The following RB1 variants were observed in gnomAD, a reference collection of about 807,000 sequenced individuals.
The protein encoded by RB1 is RB transcriptional corepressor 1, also known as retinoblastoma-associated protein.
RB1 carries 18 observed loss-of-function variants against 135.4 expected under a neutral mutation model. That is an observed-to-expected ratio of 0.13 (90% CI 0.09 to 0.20). The LOEUF is 0.20. RB1 is among the 10% of genes least tolerant of loss of function. RB1 has a pLI of 1.00. For synonymous variants in RB1, 365 were observed against 373.2 expected, an observed-to-expected ratio of 0.98 and a Z score of 0.25; for missense variants, 868 against 1,110.0, an observed-to-expected ratio of 0.78 and a Z score of 3.10.
At chr13:48,328,600 C>A in intron 2 of RB1, 1 of 626,304 alleles carries the variant, frequency 1.6e-6, no homozygotes, top group South Asian at 1.8e-5. Flanking sequence ...TTTCAGAAAT[C>A]TTTCTAATAC....
intron 17 of RB1, 99 bp downstream of exon 17, chr13:48,381,542 T>G: frequency 9.4e-7 from 1 of 1,063,258 alleles, no homozygotes; most frequent in Non-Finnish European, 1.4e-6. Context: ...CAAGAACATA[T>G]AGGGAATTTA....
chr13:48,364,732 G>C (rs1489243757), intron 8 of RB1, among the ~76,000 whole-genome samples, 162 bp from the exon 9 acceptor site: 1 of 152,034 alleles, frequency 6.6e-6, no homozygotes, highest in Non-Finnish European at 1.5e-5. Flanking sequence ...AATATAGAGA[G>C]ACCCCTTCTC....
In RB1 at chr13:48,368,589, C is replaced by A; in HGVS notation, c.1112C>A (p.Pro371Gln). ...GATGAAGAGGTGAATGTAATTCCTCCACACACTCCAGTTAGGTATGAATTT... is the reference window on the plus strand; with the variant it reads ...GATGAAGAGGTGAATGTAATTCCTCAACACACTCCAGTTAGGTATGAATTT... The part of the protein sequence containing the change: ...NLDEEVNVIP[P>Q]HTPVRTVMNT... The change falls in exon 11 of 27, where the codon CCA becomes CAA. Residue 371 changes from proline (P) to glutamine (Q), a missense_variant. By Grantham distance (76) the Pro-to-Gln change is moderately conservative (BLOSUM62 -1). This residue lies in a region of RB1 where 641 missense variants were observed against 791.3 expected (regional missense o/e 0.81). Transcript: ENST00000267163. The A allele has an allele frequency of 6.2e-7, 1 of 1,613,310 alleles. No individual in the cohort carries two copies. The highest frequency in any genetic ancestry group is 8.5e-7 in the Non-Finnish European group (1 of 1,179,652).
chr13:48,430,543 C>T (rs1292922755), intron 17 of RB1, among the ~76,000 whole-genome samples: 1 of 152,062 alleles, frequency 6.6e-6, no homozygotes, highest in South Asian at 2.1e-4. Flanking sequence ...AGTTTGACAC[C>T]AGCCTAGCTA....
chr13:48,360,170 G>A, intron 7 of RB1, 43 bp downstream of exon 7: 2 of 1,608,194 alleles, frequency 1.2e-6, no homozygotes, highest in South Asian at 1.1e-5. Context: ...TCATTCAGCA[G>A]TTGCTTATTG....
chr13:48,418,538 A>C (rs1002495018), intron 17 of RB1, among the ~76,000 whole-genome samples: 1 of 152,196 alleles, frequency 6.6e-6, no homozygotes, highest in African/African-American at 2.4e-5. Flanking sequence ...ATATAACAAT[A>C]TTAACCTTAA....
At chr13:48,341,861 T>C (rs183655452) in intron 2 of RB1, among the ~76,000 whole-genome samples, 39 of 152,134 alleles carry the variant, frequency 2.6e-4, no homozygotes, top group Admixed American at 5.2e-4. Flanking sequence ...TTAATGAACA[T>C]TAATTTGACA....
chr13:48,472,893 A>G (rs185274998), intron 23 of RB1, among the ~76,000 whole-genome samples: 3 of 152,320 alleles, frequency 2.0e-5, no homozygotes, highest in Admixed American at 2.0e-4. Flanking sequence ...ACAGACTAAT[A>G]AAGATTTCTG....
intron 21 of RB1, among the ~76,000 whole-genome samples, chr13:48,464,624 ATAT>A (rs761351104): frequency 3.5e-4 from 53 of 152,156 alleles, no homozygotes; most frequent in Non-Finnish European, 5.9e-4. Context: ...TTGGTGGATA[ATAT>A]TATTGGCTTT....
chr13:48,404,674 G>A (rs928187193), intron 17 of RB1, among the ~76,000 whole-genome samples: 2 of 151,958 alleles, frequency 1.3e-5, no homozygotes, highest in Admixed American at 6.6e-5. Flanking sequence ...TTACAGGCAC[G>A]AGACAACGCG....
chr13:48,352,961 G>A (rs1010018582), intron 6 of RB1, among the ~76,000 whole-genome samples: 1 of 152,086 alleles, frequency 6.6e-6, no homozygotes, highest in Non-Finnish European at 1.5e-5. Flanking sequence ...TCAAGCTTCT[G>A]CACATTCAGT....
intron 8 of RB1, among the ~76,000 whole-genome samples, chr13:48,363,531 C>T (rs373943167): frequency 2.6e-5 from 4 of 152,138 alleles, no homozygotes; most frequent in South Asian, 2.1e-4. Flanking sequence ...CACTCCAGCC[C>T]GGGCGCCAGA....
At chr13:48,446,909 G>A (rs198572) in intron 17 of RB1, among the ~76,000 whole-genome samples, 137,775 of 152,144 alleles carry the variant, frequency 0.91, 63,419 homozygotes, top group East Asian at 1. Context: ...GGTTTTGAGT[G>A]TGGAGGTGGG....
At chr13:48,369,874 G>C (rs1259148238) in intron 11 of RB1, among the ~76,000 whole-genome samples, 1 of 152,006 alleles carries the variant, frequency 6.6e-6, no homozygotes, top group Non-Finnish European at 1.5e-5. Context: ...AGATTCATTT[G>C]TGTTTGCTTG....
At chr13:48,410,958 T>A (rs1053493985) in intron 17 of RB1, 7 of 152,256 alleles carry the variant, frequency 4.6e-5, no homozygotes, top group African/African-American at 1.7e-4. Context: ...TAATCATAGT[T>A]TAAGAAATAT....
intron 5 of RB1, 108 bp from the exon 6 acceptor site, chr13:48,348,848 A>AT (rs146977585): frequency 0.054 from 54,581 of 1,004,476 alleles, 80 homozygotes; most frequent in Non-Finnish European, 0.061. Flanking sequence ...AACTAAGGTC[A>AT]TTTTTTTTTT....
At chr13:48,348,695 G>A (rs1346999119) in intron 5 of RB1, among the ~76,000 whole-genome samples, 3 of 145,872 alleles carry the variant, frequency 2.1e-5, no homozygotes, top group African/African-American at 7.6e-5. Flanking sequence ...TTTTTTTGCA[G>A]CTTCTCATGG....
In RB1 at chr13:48,381,417, A is replaced by G. The variant is rs1948534909; in HGVS notation, c.1669A>G (p.Ile557Val). 3.1e-6 allele frequency: 5 copies of G among 1,613,722 alleles called. No individual in the cohort carries two copies. The highest frequency in any genetic ancestry group is 4.2e-6 in the Non-Finnish European group (5 of 1,179,822). Residue 557 changes from isoleucine (I) to valine (V), a missense_variant, in exon 17 of 27, where the codon ATC becomes GTC. Ile to Val is a conservative substitution (Grantham distance 29). Coordinates refer to ENST00000267163, the MANE Select transcript of RB1 (RefSeq NM_000321.3). The part of the protein sequence containing the change: ...IKHLERCEHR[I>V]MESLAWLSDS... ...ACATTTAGAACGATGTGAACATCGA[A>G]TCATGGAATCCCTTGCATGGCTCTC...
At chr13:48,465,701 G>A (rs1261569648) in intron 23 of RB1, among the ~76,000 whole-genome samples, 9 of 151,496 alleles carry the variant, frequency 5.9e-5, no homozygotes, top group Non-Finnish European at 1.0e-4. Context: ...GTGTGTGTGC[G>A]CACCGTGTGC....
Sources: gnomAD v4.1 joint callset for allele counts (sites outside exome capture counted in the v4.1 genomes callset) on GRCh38, gnomAD v4.1.1 for gene constraint, gnomAD v4.1.1 regional missense constraint, MANE v1.5 for transcripts, NCBI Gene and HGNC (gene_info 2026-07-23, HGNC 2026-07-21) for gene names.